The following CFAP52 variants were observed in gnomAD, a reference collection of about 807,000 sequenced individuals.
CFAP52 encodes the protein cilia- and flagella-associated protein 52.
In CFAP52, 57 loss-of-function variants were observed where a neutral mutation model predicts 70.5. The observed-to-expected ratio is 0.81, with a 90% CI of 0.65 to 1.01. The LOEUF (loss-of-function observed/expected upper bound fraction) is 1.01. CFAP52 is among the 50% of genes least tolerant of loss of function. CFAP52 has a pLI of 0.00. For missense variants in CFAP52, 785 were observed against 788.5 expected, an observed-to-expected ratio of 1.00 and a Z score of 0.05; for synonymous variants, 267 against 292.5, an observed-to-expected ratio of 0.91 and a Z score of 0.89.
chr17:9,582,080 C>T (rs1908252932), intron 1 of CFAP52, among the ~76,000 whole-genome samples: 1 of 152,126 alleles, frequency 6.6e-6, no homozygotes, highest in South Asian at 2.1e-4. Flanking sequence ...CAACCAAGAA[C>T]CATAATTTTT....
chr17:9,595,959 G>A (rs1908980329), intron 4 of CFAP52, among the ~76,000 whole-genome samples: 1 of 147,088 alleles, frequency 6.8e-6, no homozygotes, highest in African/African-American at 2.5e-5. Flanking sequence ...TATAACTCTG[G>A]GAGCTAAAAA....
chr17:9,599,992 C>T (rs977142715), intron 5 of CFAP52, 75 bp from the exon 6 acceptor site: 18 of 1,241,794 alleles, frequency 1.4e-5, no homozygotes, highest in East Asian at 4.8e-5. Flanking sequence ...CCACCCGCCT[C>T]GGCCTCCCAA....
chr17:9,602,656 G>A (rs1909323608), intron 6 of CFAP52, among the ~76,000 whole-genome samples: 2 of 152,108 alleles, frequency 1.3e-5, no homozygotes, highest in Admixed American at 6.6e-5. Flanking sequence ...GGGTCAAATG[G>A]TATTTCTGGT....
intron 6 of CFAP52, among the ~76,000 whole-genome samples, chr17:9,604,509 T>C (rs939488420): frequency 2.6e-5 from 4 of 152,116 alleles, no homozygotes; most frequent in Admixed American, 6.6e-5. Context: ...GGCTTGTGCC[T>C]GTAATCCCAG....
intron 12 of CFAP52, among the ~76,000 whole-genome samples, chr17:9,640,908 T>G (rs1318112861): frequency 6.6e-6 from 1 of 152,214 alleles, no homozygotes; most frequent in Non-Finnish European, 1.5e-5. Context: ...CTTCCCAAAG[T>G]GCTGGGATTA....
At chr17:9,585,602 T>C (rs1297157903) in intron 1 of CFAP52, among the ~76,000 whole-genome samples, 171 bp from the exon 2 acceptor site, 3 of 30,944 alleles carry the variant, frequency 9.7e-5, no homozygotes, top group Non-Finnish European at 1.1e-4. Flanking sequence ...ACCCAGGAGG[T>C]GAAGGTTGCA....
At chr17:9,583,410 A>G (rs1384079636) in intron 1 of CFAP52, among the ~76,000 whole-genome samples, 1 of 152,134 alleles carries the variant, frequency 6.6e-6, no homozygotes, top group Non-Finnish European at 1.5e-5. Context: ...TTCATTTAAG[A>G]ACAAGAAGAT....
intron 8 of CFAP52, among the ~76,000 whole-genome samples, chr17:9,627,633 A>C (rs1045944993): frequency 2.0e-5 from 3 of 152,228 alleles, no homozygotes; most frequent in African/African-American, 7.2e-5. Flanking sequence ...GTGTCGACTT[A>C]TCTTCAAACT....
At chr17:9,645,387 G>C (rs2151957107), downstream of CFAP52, 1 of 266,610 alleles carries the variant, frequency 3.8e-6, no homozygotes, top group South Asian at 1.7e-4. This position sits in a 1 kb window ranked among gnomAD's most constrained non-coding sequence, Gnocchi z 6.8. Context: ...CCCAGTCAGC[G>C]CAGCGGGGGC....
In CFAP52 at chr17:9,635,465, A is replaced by G. The variant is rs1225532090; in HGVS notation, c.1381A>G (p.Lys461Glu). 6.2e-7 allele frequency: 1 copy of G among 1,614,166 alleles called. No individual in the cohort carries two copies. Among genetic ancestry groups the G allele is most frequent in the East Asian group, 2.2e-5 (1 of 44,884 alleles). ...GCTGGAGGAGGCCCTGAAGGAACACAAGTCATCAGTGTCCTGCATTAGGGT... is the reference window on the plus strand; with the variant it reads ...GCTGGAGGAGGCCCTGAAGGAACACGAGTCATCAGTGTCCTGCATTAGGGT... ...QKLEEALKEH[K>E]SSVSCIRVKR... is the part of the protein sequence containing the mutation. Residue 461 changes from lysine to glutamate, a missense_variant, in exon 11 of 14, where the codon AAG becomes GAG. Lys to Glu is a moderately conservative substitution (Grantham distance 56, BLOSUM62 1). Transcript: ENST00000352665.
At chr17:9,589,454 C>T (rs1908643613) in intron 3 of CFAP52, among the ~76,000 whole-genome samples, 1 of 152,030 alleles carries the variant, frequency 6.6e-6, no homozygotes, top group Non-Finnish European at 1.5e-5. Context: ...ATGTATTGGC[C>T]GGGTGTGGCA....
chr17:9,586,020 C>G lies in CFAP52; in HGVS notation c.270+48C>G, dbSNP rs1191927586. ...ATTGTCAATTTATCTAGAGGTGCCTCCCTAGAAGAACTGCCCCACTTCAAG... is the reference window on the plus strand; with the variant it reads ...ATTGTCAATTTATCTAGAGGTGCCTGCCTAGAAGAACTGCCCCACTTCAAG... On this transcript the variant is annotated intron_variant, in intron 2 of 13. Coordinates refer to ENST00000352665, the MANE Select transcript of CFAP52 (RefSeq NM_145054.5). The G allele has an allele frequency of 3.1e-6, 5 of 1,591,750 alleles. No individual in the cohort carries two copies. In the South Asian group the frequency reaches 5.5e-5, roughly 18 times the overall value.
chr17:9,628,811 A>T lies in CFAP52; in HGVS notation c.1165A>T (p.Ile389Phe). ...GIDFMRDGKS[I>F]ISAWNDGKIR... ...CGACTTCATGAGGGACGGCAAAAGC[A>T]TCATTTCAGGTAACGTCCACATGTC... is the stretch of plus-strand genomic sequence containing the variant. Residue 389 changes from isoleucine (I) to phenylalanine (F), a missense_variant, in exon 9 of 14, where the codon ATC (isoleucine) becomes TTC (phenylalanine). By Grantham distance (21) the Ile-to-Phe change is conservative. Transcript: ENST00000352665. The T allele has an allele frequency of 6.2e-7, 1 of 1,614,146 alleles. No individual in the cohort carries two copies. The highest frequency in any genetic ancestry group is 1.1e-5 in the South Asian group (1 of 91,080).
rs372924224 is a variant in CFAP52 at position 9,628,825 on chromosome 17, C to T, written c.1174+5C>T. ...ACGGCAAAAGCATCATTTCAGGTAACGTCCACATGTCAAGATCTGGCTTGG... is the reference window on the plus strand; with the variant it reads ...ACGGCAAAAGCATCATTTCAGGTAATGTCCACATGTCAAGATCTGGCTTGG... On this transcript the variant is annotated splice_donor_5th_base_variant and intron_variant, in intron 9 of 13. Transcript: ENST00000352665. 23 of 1,613,864 alleles carry T rather than the reference C, an allele frequency of 1.4e-5. No homozygotes were observed. Among genetic ancestry groups the T allele is most frequent in the Admixed American group, 3.3e-5 (2 of 59,980 alleles).
chr17:9,607,590 TA>T (rs765017068), intron 6 of CFAP52, among the ~76,000 whole-genome samples: 33 of 152,346 alleles, frequency 2.2e-4, no homozygotes, highest in Admixed American at 1.2e-3. Context: ...ATAAGAAGTC[TA>T]TTGTGCTTTC....
At chr17:9,635,691 C>A in intron 11 of CFAP52, 135 bp downstream of exon 11, 2 of 1,165,458 alleles carry the variant, frequency 1.7e-6, no homozygotes, top group Non-Finnish European at 2.4e-6. Context: ...GGATGTTCAT[C>A]AGAAGCCGTT....
Position 9,598,340 on chromosome 17 carries a change from ATTAAT to A in CFAP52, c.636+12_636+16del, listed in dbSNP as rs766609885. 3.3e-4 allele frequency: 523 copies of A among 1,605,570 alleles called. 2 individuals carry two copies. The African/African-American group carries it at 6.5e-3, about 20-fold the overall frequency. Reference sequence around the variant, plus strand: ...AATAGTCATGAGTATTGGAGTAAGTATTAATTTAAGTATTAAGTAACAATTAGCAC... The same window carrying A: ...AATAGTCATGAGTATTGGAGTAAGTATTAAGTATTAAGTAACAATTAGCAC... On this transcript the variant is annotated splice_region_variant and intron_variant, in intron 5 of 13. Transcript: ENST00000352665.
At chr17:9,622,717 C>G (rs1242382387) in intron 8 of CFAP52, among the ~76,000 whole-genome samples, 1 of 152,106 alleles carries the variant, frequency 6.6e-6, no homozygotes, top group Middle Eastern at 3.2e-3. Context: ...TGAAGTATAA[C>G]ATATATGCAA....
chr17:9,635,152 C>A (rs1910716085), intron 10 of CFAP52, among the ~76,000 whole-genome samples: 1 of 152,094 alleles, frequency 6.6e-6, no homozygotes, highest in Non-Finnish European at 1.5e-5. Flanking sequence ...GATTAAATTT[C>A]TCAGCCTGTA....
Sources: gnomAD v4.1 joint callset for allele counts (sites outside exome capture counted in the v4.1 genomes callset) on GRCh38, gnomAD v4.1.1 for gene constraint, Gnocchi (gnomAD v3.1) non-coding constraint, MANE v1.5 for transcripts, NCBI Gene and HGNC (gene_info 2026-07-23, HGNC 2026-07-21) for gene names.